WARS2: variants seen among roughly 807,000 people sequenced by gnomAD.
WARS2 encodes the protein tryptophan--tRNA ligase, mitochondrial.
WARS2 carries 28 observed loss-of-function variants against 36.5 expected under a neutral mutation model. The observed-to-expected ratio is 0.77, with a 90% CI of 0.57 to 1.05. The LOEUF is 1.05. WARS2 is among the 50% of genes least tolerant of loss of function. WARS2 has a pLI of 0.00. For synonymous variants in WARS2, 174 were observed against 178.4 expected (o/e 0.98, Z 0.20); for missense variants, 435 against 456.8 (o/e 0.95, Z 0.44).
chr1:119,118,083 T>A (rs1316500741), intron 1 of WARS2, among the ~76,000 whole-genome samples: 1 of 151,952 alleles, frequency 6.6e-6, no homozygotes, highest in Non-Finnish European at 1.5e-5. Flanking sequence ...CAAGTAGAAA[T>A]CTCTGAATTG....
intron 2 of WARS2, among the ~76,000 whole-genome samples, chr1:119,072,186 T>TA (rs958068440): frequency 6.6e-6 from 1 of 152,246 alleles, no homozygotes; most frequent in African/African-American, 2.4e-5. Flanking sequence ...GGCTCTAAGA[T>TA]AAGGCATGAG....
At chr1:119,127,607 T>C (rs1294675967) in intron 1 of WARS2, among the ~76,000 whole-genome samples, 2 of 152,164 alleles carry the variant, frequency 1.3e-5, no homozygotes, top group Admixed American at 6.5e-5. Context: ...CACTAACCTA[T>C]ACCATCTCCT....
intron 3 of WARS2, 147 bp from the exon 4 acceptor site, chr1:119,042,496 A>G (rs1005216761): frequency 1.1e-5 from 7 of 666,050 alleles, no homozygotes; most frequent in East Asian, 2.8e-5. Context: ...CTTTTTAGCA[A>G]CTCTAGCCAT....
chr1:119,093,891 T>C (rs759644302), intron 1 of WARS2, among the ~76,000 whole-genome samples: 1 of 152,336 alleles, frequency 6.6e-6, no homozygotes, highest in Non-Finnish European at 1.5e-5. Context: ...TCCAGGACAC[T>C]GGCCTTCTCT....
At chr1:119,091,658 C>T (rs2101409628) in intron 1 of WARS2, among the ~76,000 whole-genome samples, 1 of 152,252 alleles carries the variant, frequency 6.6e-6, no homozygotes, top group African/African-American at 2.4e-5. Flanking sequence ...GTGGCCCATA[C>T]CAGGGCAGGT....
intron 2 of WARS2, among the ~76,000 whole-genome samples, chr1:119,072,492 G>A (rs1041266955): frequency 6.6e-6 from 1 of 151,826 alleles, no homozygotes; most frequent in Non-Finnish European, 1.5e-5. Flanking sequence ...TCAAAGGTGT[G>A]AAAAAAAGTA....
intron 1 of WARS2, among the ~76,000 whole-genome samples, chr1:119,080,012 C>G (rs1315648447): frequency 3.9e-5 from 6 of 152,006 alleles, no homozygotes; most frequent in African/African-American, 1.5e-4. Context: ...TACCTATTAG[C>G]GAGGCTTCCT....
At chr1:119,108,867 C>T (rs2101489960) in intron 1 of WARS2, among the ~76,000 whole-genome samples, 1 of 151,978 alleles carries the variant, frequency 6.6e-6, no homozygotes, top group African/African-American at 2.4e-5. Context: ...ATAATTTTCC[C>T]TCTAAGCACT....
At chr1:119,097,054 T>TG (rs2101436201) in intron 1 of WARS2, among the ~76,000 whole-genome samples, 1 of 152,326 alleles carries the variant, frequency 6.6e-6, no homozygotes. Context: ...TGCTCATGTC[T>TG]GGACCATCAA....
intron 2 of WARS2, among the ~76,000 whole-genome samples, chr1:119,070,892 A>G (rs1435579620): frequency 6.6e-6 from 1 of 152,134 alleles, no homozygotes; most frequent in South Asian, 2.1e-4. Flanking sequence ...TATTATTAAA[A>G]AGATAACAAG....
At chr1:119,056,674 C>T (rs114712796) in intron 2 of WARS2, among the ~76,000 whole-genome samples, 2,600 of 151,574 alleles carry the variant, frequency 0.017, 77 homozygotes, top group African/African-American at 0.06. Context: ...AATCAAGATA[C>T]AGAAAATTTT....
At chr1:119,095,999 C>G (rs191153860) in intron 1 of WARS2, among the ~76,000 whole-genome samples, 6 of 152,250 alleles carry the variant, frequency 3.9e-5, no homozygotes, top group African/African-American at 7.2e-5. Flanking sequence ...GTGGCACCAT[C>G]ATGGTTCTAA....
intron 2 of WARS2, among the ~76,000 whole-genome samples, chr1:119,046,320 C>T (rs1571268442): frequency 1.8e-5 from 2 of 108,600 alleles, no homozygotes; most frequent in East Asian, 3.1e-4. Flanking sequence ...AAGAAGAAGT[C>T]TAATCAGCAA....
chr1:119,121,240 A>G (rs1023908789), intron 1 of WARS2, among the ~76,000 whole-genome samples: 2 of 152,176 alleles, frequency 1.3e-5, no homozygotes, highest in African/African-American at 4.8e-5. Context: ...GCACTGCTAT[A>G]CACCAATAGC....
chr1:119,109,644 G>T (rs1654492397), intron 1 of WARS2, among the ~76,000 whole-genome samples: 1 of 151,576 alleles, frequency 6.6e-6, no homozygotes, highest in Non-Finnish European at 1.5e-5. Flanking sequence ...TGGTTTTTTT[G>T]ATCCACTTCA....
chr1:119,060,259 A>G (rs1221254074), intron 2 of WARS2, among the ~76,000 whole-genome samples: 1 of 152,132 alleles, frequency 6.6e-6, no homozygotes, highest in African/African-American at 2.4e-5. Flanking sequence ...CACAGTTCTG[A>G]TGGCTGGAAG....
At chr1:119,085,630 C>T in intron 1 of WARS2, 7 of 1,438,926 alleles carry the variant, frequency 4.9e-6, no homozygotes, top group Non-Finnish European at 9.8e-7. Flanking sequence ...ACATGATCCA[C>T]TCGGATAGTT....
chr1:119,137,197 G>A (rs930673017), intron 1 of WARS2, among the ~76,000 whole-genome samples: 2 of 152,052 alleles, frequency 1.3e-5, no homozygotes, highest in African/African-American at 4.8e-5. Flanking sequence ...ACTGTATTAT[G>A]ATTATTCAAG....
intron 2 of WARS2, among the ~76,000 whole-genome samples, chr1:119,053,096 C>T (rs1263277673): frequency 2.6e-5 from 4 of 152,158 alleles, no homozygotes; most frequent in Admixed American, 2.0e-4. Context: ...TATAATCCTC[C>T]GAAGCAGGGG....
Sources: allele counts gnomAD v4.1 joint callset (sites outside exome capture counted in the v4.1 genomes callset), GRCh38; gene constraint gnomAD v4.1.1; transcripts MANE v1.5; gene names NCBI Gene and HGNC (gene_info 2026-07-23, HGNC 2026-07-21).